The following PSEN1 variants were observed in gnomAD, a reference collection of about 807,000 sequenced individuals.
PSEN1 encodes the protein presenilin 1.
PSEN1 carries 15 observed loss-of-function variants against 53.5 expected under a neutral mutation model. That is an observed-to-expected ratio of 0.28 (90% CI 0.19 to 0.43). PSEN1 has a LOEUF of 0.43. Among genes scored for constraint, PSEN1 ranks in the 20% least tolerant of loss-of-function variants. The probability of loss-of-function intolerance (pLI) is 1.00; values close to 1 mark genes in which losing one functional copy is unlikely to be tolerated. For synonymous variants in PSEN1, 208 were observed against 209.8 expected, an observed-to-expected ratio of 0.99 and a Z score of 0.08; for missense variants, 387 against 571.2, an observed-to-expected ratio of 0.68 and a Z score of 3.29.
At position 73,222,827 on chromosome 14, in the gene PSEN1, C is replaced by T. The variant is rs362392; in HGVS notation, c.*3538C>T. The T allele has an allele frequency of 6.6e-6, 1 of 152,214 alleles. No homozygotes were observed. The highest frequency in any genetic ancestry group is 1.5e-5 in the Non-Finnish European group (1 of 68,040). 9.4% of individuals were successfully genotyped at this position (152,214 alleles called of 1,614,324 possible). ...AGAAATCAATCCATTCAGTAAAGTA[C>T]TCCTTCTCTAAATTTGCTGTTATGT... On this transcript the variant is annotated 3_prime_UTR_variant, in exon 12 of 12. Coordinates refer to ENST00000324501, the MANE Select transcript of PSEN1 (RefSeq NM_000021.4).
intron 3 of PSEN1, among the ~76,000 whole-genome samples, chr14:73,165,013 G>C (rs1216257380): frequency 6.6e-6 from 1 of 152,016 alleles, no homozygotes; most frequent in Non-Finnish European, 1.5e-5. Context: ...TTGGAGTACA[G>C]TGGCACGATC....
chr14:73,168,587 T>C (rs1011023933), intron 3 of PSEN1: 46 of 152,310 alleles, frequency 3.0e-4, no homozygotes, highest in Middle Eastern at 3.4e-3. Flanking sequence ...CTTTGGAGAA[T>C]AGGCCCAGCC....
Position 73,211,796 on chromosome 14 carries a change from T to C in PSEN1, c.983T>C (p.Val328Ala), listed in dbSNP as rs768730001. The C allele has an allele frequency of 2.5e-6, 4 of 1,613,998 alleles. No individual in the cohort carries two copies. In the African/African-American group the frequency reaches 5.3e-5, roughly 22 times the overall value. Residue 328 changes from valine (V) to alanine (A), a missense_variant, in exon 10 of 12, where the codon GTT becomes GCT. Val to Ala is a moderately conservative substitution (Grantham distance 64, BLOSUM62 0). Coordinates refer to ENST00000324501, the MANE Select transcript of PSEN1 (RefSeq NM_000021.4). Reference protein sequence around the residue: ...ESTERESQDTVAENDDGGFSE... With the variant: ...ESTERESQDTAAENDDGGFSE... Reference sequence around the variant, plus strand: ...ACAGAAAGGGAGTCACAAGACACTGTTGCAGAGAATGATGATGGCGGGTTC... The same window carrying C: ...ACAGAAAGGGAGTCACAAGACACTGCTGCAGAGAATGATGATGGCGGGTTC...
rs1190868407 is a variant in PSEN1, at chr14:73,183,920, C to CG, written c.481-2927dup. 3.6e-3 allele frequency among the ~76,000 whole-genome samples: 530 copies of CG among 145,788 alleles called. 5 individuals are homozygous for CG. Among genetic ancestry groups the CG allele is most frequent in the African/African-American group, 0.013 (497 of 37,904 alleles). The stretch of plus-strand genomic sequence containing the variant: ...CTCCCGGGCGGGGCGGCTGGCCGGG[C>CG]GGGGGGCTGACCCCCCCACCTCCCT... On this transcript the variant is annotated intron_variant, in intron 5 of 11. Coordinates refer to ENST00000324501, the MANE Select transcript of PSEN1 (RefSeq NM_000021.4).
intron 8 of PSEN1, among the ~76,000 whole-genome samples, chr14:73,202,432 A>T (rs1156746106): frequency 0.013 from 137 of 10,634 alleles, 4 homozygotes; most frequent in African/African-American, 0.057. Context: ...ATATATATAT[A>T]TATATATATA....
chr14:73,209,979 A>G (rs988047508), intron 9 of PSEN1, among the ~76,000 whole-genome samples: 5 of 152,234 alleles, frequency 3.3e-5, no homozygotes, highest in Admixed American at 6.5e-5. Flanking sequence ...AGGCTTTGCA[A>G]TAATCAAAAA....
Position 73,181,798 on chromosome 14 carries a change from A to G in PSEN1, c.481-5055A>G, listed in dbSNP as rs538638546. Among the ~76,000 whole-genome samples the G allele has an allele frequency of 3.3e-5, 5 of 152,194 alleles. No individual in the cohort carries two copies. In the East Asian group the frequency reaches 5.8e-4, roughly 18 times the overall value. On this transcript the variant is annotated intron_variant, in intron 5 of 11. Transcript: ENST00000324501. ...TTGTTTCGTATTTTTTTTTGAGACAATGTCTCACTTTGTCAGTCAGGCTGG... is the reference window on the plus strand; with the variant it reads ...TTGTTTCGTATTTTTTTTTGAGACAGTGTCTCACTTTGTCAGTCAGGCTGG...
chr14:73,141,273 A>G (rs1030804565), intron 1 of PSEN1, among the ~76,000 whole-genome samples: 2 of 152,008 alleles, frequency 1.3e-5, no homozygotes, highest in Non-Finnish European at 2.9e-5. Context: ...TAATAATCTA[A>G]TCTACCACAG....
chr14:73,153,979 G>A (rs949471307), intron 3 of PSEN1, among the ~76,000 whole-genome samples: 2 of 151,932 alleles, frequency 1.3e-5, no homozygotes, highest in Non-Finnish European at 2.9e-5. Flanking sequence ...CTCTCAAAGT[G>A]TTGGGATTAC....
intron 8 of PSEN1, among the ~76,000 whole-genome samples, chr14:73,202,816 A>C (rs374033381): frequency 6.6e-6 from 1 of 151,968 alleles, no homozygotes; most frequent in Non-Finnish European, 1.5e-5. Flanking sequence ...TGCTCGCTTT[A>C]GCAGCACATA....
At chr14:73,200,663 C>G (rs1899142204) in intron 8 of PSEN1, among the ~76,000 whole-genome samples, 2 of 152,112 alleles carry the variant, frequency 1.3e-5, no homozygotes, top group Non-Finnish European at 2.9e-5. Context: ...ATCTTAATGC[C>G]TTATCAAGTA....
intron 10 of PSEN1, among the ~76,000 whole-genome samples, chr14:73,215,267 A>T (rs1566655621): frequency 6.7e-6 from 1 of 150,234 alleles, no homozygotes; most frequent in Non-Finnish European, 1.5e-5. Flanking sequence ...GGCCAAAAAA[A>T]TTTTTTTTAA....
chr14:73,155,427 A>C (rs1194890190), intron 3 of PSEN1, among the ~76,000 whole-genome samples: 1 of 152,256 alleles, frequency 6.6e-6, no homozygotes, highest in East Asian at 1.9e-4. Context: ...AATAAATATT[A>C]ACATTTCTTA....
chr14:73,179,273 TACCATC>T (rs1279848761), intron 5 of PSEN1, among the ~76,000 whole-genome samples: 2 of 152,100 alleles, frequency 1.3e-5, no homozygotes, highest in African/African-American at 4.8e-5. Context: ...CCACCCACAT[TACCATC>T]ACCACAGGAT....
intron 8 of PSEN1, among the ~76,000 whole-genome samples, chr14:73,202,420 A>T (rs192607602): frequency 0.011 from 93 of 8,360 alleles, no homozygotes; most frequent in African/African-American, 0.041. Flanking sequence ...ATCACATACT[A>T]TATATATATA....
intron 10 of PSEN1, among the ~76,000 whole-genome samples, chr14:73,213,239 G>A (rs1899773941): frequency 6.6e-6 from 1 of 152,088 alleles, no homozygotes; most frequent in African/African-American, 2.4e-5. Flanking sequence ...CAGTAATTAG[G>A]TTGCCTCTTC....
chr14:73,178,583 G>T (rs189048639), intron 5 of PSEN1, among the ~76,000 whole-genome samples: 22 of 152,062 alleles, frequency 1.4e-4, no homozygotes, highest in Admixed American at 1.3e-3. Flanking sequence ...CTATTGTTCT[G>T]GTTAGATAAT....
rs559015884 is a variant in PSEN1 at position 73,186,513 on chromosome 14, A to T, written c.481-340A>T. Among the ~76,000 whole-genome samples, 105 of 152,256 alleles carry T rather than the reference A, an allele frequency of 6.9e-4. 3 individuals carry two copies. Among genetic ancestry groups the T allele is most frequent in the South Asian group, 3.1e-3 (15 of 4,830 alleles). ...AGATGTGGGCCGGGCATAGTGGTGC[A>T]CATCTGTAATCTCAGCACTTTGGGA... On this transcript the variant is annotated intron_variant, in intron 5 of 11. Coordinates refer to ENST00000324501, the MANE Select transcript of PSEN1 (RefSeq NM_000021.4).
At chr14:73,140,761 C>T (rs568532621) in intron 1 of PSEN1, among the ~76,000 whole-genome samples, 2 of 152,190 alleles carry the variant, frequency 1.3e-5, no homozygotes, top group East Asian at 1.9e-4. Context: ...TCTGGACTTG[C>T]GATTCTAAGT....
Sources: allele counts gnomAD v4.1 joint callset (sites outside exome capture counted in the v4.1 genomes callset), GRCh38; gene constraint gnomAD v4.1.1; transcripts MANE v1.5; gene names NCBI Gene and HGNC (gene_info 2026-07-23, HGNC 2026-07-21).